The following DPP10 variants were observed in gnomAD, a reference collection of about 807,000 sequenced individuals.
DPP10 encodes the protein dipeptidyl peptidase like 10.
Under a neutral mutation model 120.9 loss-of-function variants are expected in DPP10, and 33 were observed. The observed-to-expected ratio is 0.27, with a 90% CI of 0.21 to 0.37. The LOEUF is 0.37. Ranked by LOEUF, DPP10 falls within the 10% of genes least tolerant of loss-of-function variation. DPP10 has a pLI of 1.00. For synonymous variants in DPP10, 337 were observed against 326.1 expected, an observed-to-expected ratio of 1.03 and a Z score of -0.36; for missense variants, 816 against 942.8, an observed-to-expected ratio of 0.87 and a Z score of 1.76.
At chr2:115,527,865 T>C (rs866618757) in intron 5 of DPP10, among the ~76,000 whole-genome samples, 1 of 152,192 alleles carries the variant, frequency 6.6e-6, no homozygotes, top group African/African-American at 2.4e-5. Context: ...CCACACCCAA[T>C]GATGGCAAGC....
intron 1 of DPP10, among the ~76,000 whole-genome samples, chr2:115,049,146 A>G (rs1286890682): frequency 6.6e-6 from 1 of 152,136 alleles, no homozygotes; most frequent in East Asian, 1.9e-4. Flanking sequence ...GCACTGGTAC[A>G]ATAATGTGTA....
intron 1 of DPP10, among the ~76,000 whole-genome samples, chr2:114,862,434 A>G (rs1574365080): frequency 6.6e-6 from 1 of 152,174 alleles, no homozygotes; most frequent in Admixed American, 6.5e-5. Flanking sequence ...CAGAGTGGAA[A>G]AAAAAACCCT....
At chr2:115,482,074 C>T (rs188797562) in intron 3 of DPP10, among the ~76,000 whole-genome samples, 354 of 152,060 alleles carry the variant, frequency 2.3e-3, no homozygotes, top group Admixed American at 3.3e-3. Context: ...CCAGTAGTTT[C>T]GGTTTTACAG....
At chr2:115,656,311 A>G (rs2088333343) in intron 5 of DPP10, among the ~76,000 whole-genome samples, 1 of 151,670 alleles carries the variant, frequency 6.6e-6, no homozygotes, top group Non-Finnish European at 1.5e-5. Context: ...AAAATTCAGA[A>G]TAAGACAGAG....
rs554393034 is a variant in DPP10 at position 115,770,940 on chromosome 2, CTAA to C, written c.1221+2538_1221+2540del. Among the ~76,000 whole-genome samples the C allele has an allele frequency of 2.2e-4, 34 of 152,136 alleles. 1 individual carries two copies. The East Asian group carries it at 5.2e-3, about 23-fold the overall frequency. ...TAGATTTGTAACATTAAAAGAATAA[CTAA>C]TGAGTGTTTTCTTACAACATTTAAT... On this transcript the variant is annotated intron_variant, in intron 13 of 25. Coordinates refer to ENST00000410059, the MANE Select transcript of DPP10 (RefSeq NM_020868.6).
At chr2:114,731,812 T>A (rs960353294) in intron 1 of DPP10, among the ~76,000 whole-genome samples, 5 of 152,036 alleles carry the variant, frequency 3.3e-5, no homozygotes, top group African/African-American at 1.2e-4. Flanking sequence ...GCCAACAGGT[T>A]GGGATTTCTA....
At chr2:114,642,482 C>A (rs984968388) in intron 1 of DPP10, among the ~76,000 whole-genome samples, 3 of 151,956 alleles carry the variant, frequency 2.0e-5, no homozygotes, top group Non-Finnish European at 4.4e-5. Flanking sequence ...TTTTCTTACA[C>A]ATACTTCATA....
intron 3 of DPP10, among the ~76,000 whole-genome samples, chr2:115,471,921 A>G (rs965249933): frequency 6.6e-6 from 1 of 151,994 alleles, no homozygotes; most frequent in Non-Finnish European, 1.5e-5. Context: ...ACTCAGCCAG[A>G]CCAGGATTCT....
intron 1 of DPP10, among the ~76,000 whole-genome samples, chr2:115,104,448 G>A (rs1385245665): frequency 1.3e-5 from 2 of 152,110 alleles, no homozygotes; most frequent in African/African-American, 4.8e-5. Context: ...TTCAAATGGT[G>A]CTGTTTATTA....
At chr2:115,161,807 T>C in intron 1 of DPP10, 1 of 758,220 alleles carries the variant, frequency 1.3e-6, no homozygotes. Context: ...GCCGCTCTTC[T>C]TCCCCTCCCC....
At chr2:114,758,635 A>G (rs893206566) in intron 1 of DPP10, among the ~76,000 whole-genome samples, 1 of 152,164 alleles carries the variant, frequency 6.6e-6, no homozygotes, top group Non-Finnish European at 1.5e-5. Context: ...GGTTTCCATT[A>G]TTCTAATTGT....
chr2:115,488,959 T>G (rs906421645), intron 3 of DPP10, among the ~76,000 whole-genome samples: 1 of 151,968 alleles, frequency 6.6e-6, no homozygotes, highest in Non-Finnish European at 1.5e-5. Context: ...AAACATACCT[T>G]TTAGAGTGTA....
At chr2:115,710,367 C>T (rs116684836) in intron 7 of DPP10, among the ~76,000 whole-genome samples, 1,717 of 152,014 alleles carry the variant, frequency 0.011, 21 homozygotes, top group African/African-American at 0.037. Flanking sequence ...ACAACTATAA[C>T]GACAAAAATG....
chr2:114,743,956 TTATAAG>T (rs1678317056), intron 1 of DPP10, among the ~76,000 whole-genome samples: 1 of 152,098 alleles, frequency 6.6e-6, no homozygotes, highest in South Asian at 2.1e-4. Context: ...AGATCGAAGG[TTATAAG>T]TATTCTAAGC....
chr2:115,722,287 T>A (rs2092667794), intron 7 of DPP10, among the ~76,000 whole-genome samples: 1 of 151,604 alleles, frequency 6.6e-6, no homozygotes, highest in Non-Finnish European at 1.5e-5. Flanking sequence ...CTTTGCAATA[T>A]TTTCCTAGCC....
At chr2:115,144,417 A>C (rs929287190) in intron 1 of DPP10, 1 of 152,046 alleles carries the variant, frequency 6.6e-6, no homozygotes, top group Admixed American at 6.6e-5. Context: ...TACGTCGAAT[A>C]GTTAAGAGTA....
intron 21 of DPP10, among the ~76,000 whole-genome samples, chr2:115,824,810 T>C (rs982952051): frequency 1.3e-5 from 2 of 152,214 alleles, no homozygotes; most frequent in African/African-American, 4.8e-5. Flanking sequence ...AATAGAATGA[T>C]GGTATTTCTA....
Position 115,064,850 on chromosome 2 carries a change from G to C in DPP10, c.61-244389G>C, listed in dbSNP as rs770508181. On this transcript the variant is annotated intron_variant, in intron 1 of 25. Transcript: ENST00000410059. The stretch of plus-strand genomic sequence containing the variant: ...GTTTGTTTAGTCTTCTTTCTAGCAG[G>C]GTTTCTGATTGGGTTTCATTTATTT... The C allele has an allele frequency of 3.8e-5, 50 of 1,301,718 alleles. No homozygotes were observed. The East Asian group carries it at 4.5e-4, about 12-fold the overall frequency. The allele number at this position is 1,301,718 out of a possible 1,614,324, so 80.6% of individuals were successfully genotyped here.
At chr2:114,891,715 A>G (rs911365647) in intron 1 of DPP10, among the ~76,000 whole-genome samples, 1 of 152,214 alleles carries the variant, frequency 6.6e-6, no homozygotes, top group African/African-American at 2.4e-5. Flanking sequence ...GACCCATCTG[A>G]AGAGCCATTT....
Sources: gnomAD v4.1 joint callset for allele counts (sites outside exome capture counted in the v4.1 genomes callset) on GRCh38, gnomAD v4.1.1 for gene constraint, MANE v1.5 for transcripts, NCBI Gene and HGNC (gene_info 2026-07-23, HGNC 2026-07-21) for gene names.